The following FOXP1 variants were observed in gnomAD, a reference collection of about 807,000 sequenced individuals.
FOXP1 encodes forkhead box protein P1.
FOXP1 carries 15 observed loss-of-function variants against 98.2 expected under a neutral mutation model. The observed-to-expected ratio is 0.15, with a 90% CI of 0.10 to 0.24. FOXP1 has a LOEUF of 0.24. FOXP1 is among the 10% of genes least tolerant of loss of function. The pLI, the probability that FOXP1 is intolerant of heterozygous loss-of-function variation, is 1.00. For missense variants in FOXP1, 633 were observed against 848.5 expected, an observed-to-expected ratio of 0.75 and a Z score of 3.15; for synonymous variants, 371 against 314.5, an observed-to-expected ratio of 1.18 and a Z score of -1.90.
At chr3:70,989,003 C>A (rs1164137751) in intron 13 of FOXP1, among the ~76,000 whole-genome samples, 1 of 152,164 alleles carries the variant, frequency 6.6e-6, no homozygotes, top group Non-Finnish European at 1.5e-5. Flanking sequence ...AATTTCAATA[C>A]TTTGGTACAT....
chr3:71,259,592 A>C (rs2068923504), intron 5 of FOXP1, among the ~76,000 whole-genome samples: 1 of 152,136 alleles, frequency 6.6e-6, no homozygotes, highest in Non-Finnish European at 1.5e-5. Context: ...AAGGGAGACG[A>C]CCCCAATCGA....
chr3:71,155,967 C>A (rs564716882), intron 6 of FOXP1, among the ~76,000 whole-genome samples: 1 of 152,284 alleles, frequency 6.6e-6, no homozygotes, highest in African/African-American at 2.4e-5. Flanking sequence ...CCCTTATTTG[C>A]TAAATAAAAA....
At chr3:71,583,864 C>T (rs1296754567), upstream of FOXP1, 21 of 985,486 alleles carry the variant, frequency 2.1e-5, no homozygotes, top group South Asian at 4.5e-5. Context: ...CGCACCCCGG[C>T]CCGACCCTCT....
chr3:71,100,785 T>G (rs2056884400), intron 7 of FOXP1, among the ~76,000 whole-genome samples: 2 of 152,196 alleles, frequency 1.3e-5, no homozygotes, highest in African/African-American at 2.4e-5. Context: ...GACTCTGAAT[T>G]CATGACTCTC....
At chr3:71,373,435 A>T (rs1489285737) in intron 3 of FOXP1, among the ~76,000 whole-genome samples, 1 of 152,210 alleles carries the variant, frequency 6.6e-6, no homozygotes, top group Non-Finnish European at 1.5e-5. Context: ...AGTTCAACAG[A>T]ATATAGGATC....
chr3:71,339,784 G>C (rs1274508499), intron 4 of FOXP1, among the ~76,000 whole-genome samples: 1 of 152,174 alleles, frequency 6.6e-6, no homozygotes, highest in African/African-American at 2.4e-5. Context: ...AAATGACAAA[G>C]ACGATAATTC....
intron 7 of FOXP1, among the ~76,000 whole-genome samples, chr3:71,069,747 G>C (rs902247704): frequency 9.2e-5 from 14 of 152,158 alleles, no homozygotes; most frequent in African/African-American, 2.4e-4. Context: ...ACCAGAAATG[G>C]GGCACTGAAG....
intron 5 of FOXP1, among the ~76,000 whole-genome samples, chr3:71,238,580 T>C (rs955723065): frequency 3.3e-5 from 5 of 152,194 alleles, no homozygotes; most frequent in Non-Finnish European, 5.9e-5. Flanking sequence ...TGCATCACAG[T>C]TGCCACATGG....
intron 3 of FOXP1, among the ~76,000 whole-genome samples, chr3:71,481,132 C>A (rs932626225): frequency 1.1e-4 from 17 of 152,154 alleles, no homozygotes; most frequent in African/African-American, 4.1e-4. Context: ...TGATCACAAA[C>A]CAAATATTTT....
At chr3:71,291,852 G>A (rs1298208327) in intron 5 of FOXP1, among the ~76,000 whole-genome samples, 2 of 151,582 alleles carry the variant, frequency 1.3e-5, no homozygotes, top group Non-Finnish European at 2.9e-5. Flanking sequence ...GACTACAGGT[G>A]TGCGCCACCA....
At chr3:71,125,958 G>A (rs927613535) in intron 6 of FOXP1, among the ~76,000 whole-genome samples, 3 of 152,142 alleles carry the variant, frequency 2.0e-5, no homozygotes, top group African/African-American at 7.2e-5. Flanking sequence ...ATAAGAATGG[G>A]AGGAACTGAA....
At chr3:71,183,620 G>T (rs761318202) in intron 6 of FOXP1, among the ~76,000 whole-genome samples, 6 of 152,144 alleles carry the variant, frequency 3.9e-5, no homozygotes, top group African/African-American at 1.4e-4. Flanking sequence ...AATTATTTCC[G>T]TTTGATGGAT....
chr3:71,140,914 G>A (rs535361281), intron 6 of FOXP1, among the ~76,000 whole-genome samples: 57 of 151,564 alleles, frequency 3.8e-4, no homozygotes, highest in African/African-American at 1.3e-3. Context: ...AGAAGTTTGA[G>A]GCCAGCACAG....
At chr3:71,058,241 A>T (rs534518482) in intron 7 of FOXP1, among the ~76,000 whole-genome samples, 1 of 152,210 alleles carries the variant, frequency 6.6e-6, no homozygotes, top group Non-Finnish European at 1.5e-5. Context: ...ACTCCAGTCA[A>T]CTACAAGTAA....
intron 2 of FOXP1, among the ~76,000 whole-genome samples, chr3:71,510,332 C>A (rs997080506): frequency 6.7e-6 from 1 of 149,612 alleles, no homozygotes; most frequent in African/African-American, 2.5e-5. Flanking sequence ...AAAAAATTAG[C>A]CAGGTGTGGT....
At chr3:71,510,938 T>C (rs1363256451) in intron 2 of FOXP1, among the ~76,000 whole-genome samples, 1 of 152,244 alleles carries the variant, frequency 6.6e-6, no homozygotes, top group Non-Finnish European at 1.5e-5. Context: ...ATACGTGTGC[T>C]AAATTTAAAG....
intron 5 of FOXP1, among the ~76,000 whole-genome samples, chr3:71,242,843 G>C (rs966405123): frequency 2.6e-5 from 4 of 151,220 alleles, no homozygotes; most frequent in African/African-American, 9.7e-5. Flanking sequence ...TATCTAAACA[G>C]TGTTCAAAAA....
intron 6 of FOXP1, among the ~76,000 whole-genome samples, chr3:71,128,892 C>T (rs754608753): frequency 1.4e-4 from 21 of 150,202 alleles, no homozygotes; most frequent in Non-Finnish European, 3.0e-4. Context: ...AACTCACTTG[C>T]CTTAAAAAAA....
intron 4 of FOXP1, chr3:71,333,904 G>C (rs893404562): frequency 1.3e-5 from 2 of 151,194 alleles, no homozygotes; most frequent in African/African-American, 4.9e-5. Flanking sequence ...GGGGAAGAAA[G>C]AATAAACTTG....
Sources: allele counts gnomAD v4.1 joint callset (sites outside exome capture counted in the v4.1 genomes callset), GRCh38; gene constraint gnomAD v4.1.1; transcripts MANE v1.5; gene names NCBI Gene and HGNC (gene_info 2026-07-23, HGNC 2026-07-21).